The following CHD9 variants were observed in gnomAD, a reference collection of about 807,000 sequenced individuals.
The protein encoded by CHD9 is chromodomain helicase DNA binding protein 9.
Under a neutral mutation model 316.1 loss-of-function variants are expected in CHD9, and 77 were observed. The observed-to-expected ratio is 0.24, with a 90% CI of 0.20 to 0.29. The LOEUF (loss-of-function observed/expected upper bound fraction) is 0.29. Among genes scored for constraint, CHD9 ranks in the 10% least tolerant of loss-of-function variants. The probability of loss-of-function intolerance (pLI) is 1.00; values close to 1 mark genes in which losing one functional copy is unlikely to be tolerated. For missense variants in CHD9, 2,763 were observed against 3,438.1 expected (o/e 0.80, Z 4.91); for synonymous variants, 1,129 against 1,158.3 (o/e 0.97, Z 0.51).
chr16:53,142,355 C>T (rs1391423278), intron 1 of CHD9, among the ~76,000 whole-genome samples: 1 of 152,204 alleles, frequency 6.6e-6, no homozygotes, highest in Non-Finnish European at 1.5e-5. Flanking sequence ...GCCTGCCTTG[C>T]CCTCGCAAAG....
chr16:53,109,527 G>A (rs1056379346), intron 1 of CHD9, among the ~76,000 whole-genome samples: 5 of 151,438 alleles, frequency 3.3e-5, no homozygotes, highest in African/African-American at 1.2e-4. Flanking sequence ...TAGAGACAGG[G>A]TTTCACCATG....
chr16:53,080,903 C>T (rs1161777948), intron 1 of CHD9, among the ~76,000 whole-genome samples: 1 of 152,190 alleles, frequency 6.6e-6, no homozygotes, highest in Non-Finnish European at 1.5e-5. Flanking sequence ...GGAGATACAC[C>T]AGCCTCTCCC....
At chr16:53,081,045 C>T (rs968412493) in intron 1 of CHD9, among the ~76,000 whole-genome samples, 1 of 152,242 alleles carries the variant, frequency 6.6e-6, no homozygotes, top group Non-Finnish European at 1.5e-5. Flanking sequence ...TATTCCCTTC[C>T]TTCTCCTTCC....
chr16:53,269,013 C>A (rs2051961062), intron 22 of CHD9, among the ~76,000 whole-genome samples: 1 of 151,888 alleles, frequency 6.6e-6, no homozygotes. Context: ...TACCATGTTG[C>A]CCAGGCTGGT....
At chr16:53,203,581 G>A (rs2045630746) in intron 2 of CHD9, among the ~76,000 whole-genome samples, 1 of 152,120 alleles carries the variant, frequency 6.6e-6, no homozygotes, top group Admixed American at 6.5e-5. Flanking sequence ...CAAGCCTAAA[G>A]CCTAAGAGTC....
intron 36 of CHD9, among the ~76,000 whole-genome samples, chr16:53,317,200 T>C (rs1024629569): frequency 6.7e-6 from 1 of 149,768 alleles, no homozygotes; most frequent in Non-Finnish European, 1.5e-5. Context: ...GATAGGACTG[T>C]AAGCCATATT....
At chr16:53,322,629 A>T (rs1027123826) in intron 38 of CHD9, among the ~76,000 whole-genome samples, 2 of 152,076 alleles carry the variant, frequency 1.3e-5, no homozygotes, top group African/African-American at 2.4e-5. Flanking sequence ...GAACATCTAA[A>T]GGGAGAGAAA....
At chr16:53,176,805 A>G (rs1213257904) in intron 2 of CHD9, among the ~76,000 whole-genome samples, 2 of 152,246 alleles carry the variant, frequency 1.3e-5, no homozygotes, top group African/African-American at 4.8e-5. Context: ...AATTTTTGAA[A>G]GAAGCAAAAT....
intron 1 of CHD9, among the ~76,000 whole-genome samples, chr16:53,129,226 TTTTCA>T (rs2039106164): frequency 1.3e-5 from 2 of 152,170 alleles, no homozygotes; most frequent in Admixed American, 1.3e-4. Context: ...CCGCTCAAGT[TTTTCA>T]TTTAAGTGGG....
At chr16:53,178,705 G>A (rs966051996) in intron 2 of CHD9, among the ~76,000 whole-genome samples, 4 of 152,010 alleles carry the variant, frequency 2.6e-5, no homozygotes, top group African/African-American at 7.2e-5. Context: ...TCAAGTAATC[G>A]TCCTGCCTTG....
chr16:53,081,412 A>G (rs2035004903), intron 1 of CHD9, among the ~76,000 whole-genome samples: 1 of 152,146 alleles, frequency 6.6e-6, no homozygotes, highest in South Asian at 2.1e-4. Context: ...ACCCACCCAA[A>G]CCACTGGAGC....
intron 1 of CHD9, among the ~76,000 whole-genome samples, chr16:53,113,232 T>C (rs2038006480): frequency 7.9e-5 from 12 of 152,062 alleles, no homozygotes; most frequent in Admixed American, 7.9e-4. Context: ...GCATAGATGT[T>C]ATGAGTCTTA....
chr16:53,303,692 A>G lies in CHD9; in HGVS notation c.5714-28A>G, dbSNP rs370006382. On this transcript the variant is annotated intron_variant, in intron 30 of 38. Transcript: ENST00000447540. ...TATAAATAAAGGATTTTTGAGATTA[A>G]TATTTTTGTCCTTGTTTCAATATGT... 763 of 1,486,004 alleles carry G rather than the reference A, an allele frequency of 5.1e-4. 1 individual carries two copies. The highest frequency in any genetic ancestry group is 1.3e-3 in the South Asian group (89 of 70,204). 92.1% of individuals were successfully genotyped at this position (1,486,004 alleles called of 1,614,324 possible).
At chr16:53,257,366 G>A (rs976660908) in intron 19 of CHD9, among the ~76,000 whole-genome samples, 2 of 152,164 alleles carry the variant, frequency 1.3e-5, no homozygotes, top group African/African-American at 4.8e-5. Context: ...GCAGAAATTG[G>A]ACATAATGCA....
At position 53,292,955 on chromosome 16, in the gene CHD9, C is replaced by G; in HGVS notation, c.5413C>G (p.Gln1805Glu). The change falls in exon 29 of 39, where the codon CAA (glutamine) becomes GAA (glutamate). Residue 1805 changes from glutamine (Q) to glutamate (E), a missense_variant. Gln to Glu is a conservative substitution (Grantham distance 29, BLOSUM62 2). Transcript: ENST00000447540. ...TAAAAACAGACAAATTCAGCAGATA[C>G]AACCGACTTTCTCGGTGCCTACCAG... Reference protein sequence around the residue: ...TNKNRQIQQIQPTFSVPTSVM... With the variant: ...TNKNRQIQQIEPTFSVPTSVM... 6.2e-7 allele frequency: 1 copy of G among 1,613,846 alleles called. No individual in the cohort carries two copies. The highest frequency in any genetic ancestry group is 2.2e-5 in the East Asian group (1 of 44,866).
intron 2 of CHD9, among the ~76,000 whole-genome samples, chr16:53,189,061 G>A (rs1357633268): frequency 2.0e-5 from 3 of 151,374 alleles, no homozygotes; most frequent in African/African-American, 7.3e-5. Flanking sequence ...AGATTTCCTT[G>A]GGTTTTTTTT....
At chr16:53,237,192 C>T (rs2048707206) in intron 11 of CHD9, among the ~76,000 whole-genome samples, 1 of 152,122 alleles carries the variant, frequency 6.6e-6, no homozygotes, top group African/African-American at 2.4e-5. Flanking sequence ...AAACTGAAAT[C>T]TGGCTTCACC....
At chr16:53,201,523 T>C (rs2045454108) in intron 2 of CHD9, among the ~76,000 whole-genome samples, 1 of 152,194 alleles carries the variant, frequency 6.6e-6, no homozygotes. Context: ...ATCTAGTCTG[T>C]TATATTTTAG....
chr16:53,113,209 T>C (rs1019540789), intron 1 of CHD9, among the ~76,000 whole-genome samples: 2 of 152,046 alleles, frequency 1.3e-5, no homozygotes, highest in African/African-American at 4.8e-5. Context: ...AGAACGTCAA[T>C]GTGAGGCAGG....
Sources: allele counts gnomAD v4.1 joint callset (sites outside exome capture counted in the v4.1 genomes callset), GRCh38; gene constraint gnomAD v4.1.1; transcripts MANE v1.5; gene names NCBI Gene and HGNC (gene_info 2026-07-23, HGNC 2026-07-21).